HMOX2: variants seen among roughly 807,000 people sequenced by gnomAD.
The protein encoded by HMOX2 is heme oxygenase (decycling) 2.
In HMOX2, 30 loss-of-function variants were observed where a neutral mutation model predicts 33.7. The observed-to-expected ratio is 0.89, with a 90% CI of 0.67 to 1.21. HMOX2 has a LOEUF of 1.21. Among genes scored for constraint, HMOX2 ranks in the 50% most tolerant of loss-of-function variants. The probability of loss-of-function intolerance (pLI) is 0.00; values close to 1 mark genes in which losing one functional copy is unlikely to be tolerated. For missense variants in HMOX2, 403 were observed against 399.1 expected (o/e 1.01, Z -0.08); for synonymous variants, 155 against 155.0 (o/e 1.00, Z 0.00).
Position 4,477,094 on chromosome 16 carries a change from GGTTT to G in HMOX2, c.-42+608_-42+611del, listed in dbSNP as rs571474119. 2.5e-3 allele frequency among the ~76,000 whole-genome samples: 383 copies of G among 152,274 alleles called. 2 individuals are homozygous for G. Among genetic ancestry groups the G allele is most frequent in the African/African-American group, 8.9e-3 (370 of 41,558 alleles). On this transcript the variant is annotated intron_variant, in intron 1 of 5. Transcript: ENST00000570646. The stretch of plus-strand genomic sequence containing the variant: ...GGGGCAGCCGGTTAGTCCGGACGCG[GGTTT>G]ACCTATTACTTTCTGAGCGCAGTGC...
chr16:4,479,726 ATTTTTTTTTTTTTTTT>A (rs58936845), intron 1 of HMOX2, among the ~76,000 whole-genome samples: 10 of 79,848 alleles, frequency 1.3e-4, no homozygotes, highest in African/African-American at 4.1e-4. Flanking sequence ...TTCTTATTCT[ATTTTTTTTTTTTTTTT>A]TTTTTTTTTT....
intron 1 of HMOX2, among the ~76,000 whole-genome samples, chr16:4,491,166 C>G (rs535423800): frequency 6.6e-6 from 1 of 152,224 alleles, no homozygotes; most frequent in South Asian, 2.1e-4. Flanking sequence ...TGTCACAGGA[C>G]AAAGTAAATT....
At chr16:4,503,772 G>T (rs537265861) in intron 1 of HMOX2, among the ~76,000 whole-genome samples, 1 of 152,342 alleles carries the variant, frequency 6.6e-6, no homozygotes, top group South Asian at 2.1e-4. Flanking sequence ...TAGGTATCTA[G>T]AGAAAACTCA....
At chr16:4,491,625 C>G (rs113683085) in intron 1 of HMOX2, among the ~76,000 whole-genome samples, 121 of 152,144 alleles carry the variant, frequency 8.0e-4, no homozygotes, top group African/African-American at 2.7e-3. Context: ...GCGCTCCAGC[C>G]TGGGTGACAA....
In HMOX2 at chr16:4,508,160, A is replaced by G. The variant is rs1238039873; in HGVS notation, c.652A>G (p.Arg218Gly). Reference protein sequence around the residue: ...ALDLNMKTKERIVEEANKAFE... With the variant: ...ALDLNMKTKEGIVEEANKAFE... The stretch of plus-strand genomic sequence containing the variant: ...GGACCTGAACATGAAGACCAAAGAG[A>G]GGATCGTGGAGGAGGCCAACAAGGC... Residue 218 changes from arginine (R) to glycine (G), a missense_variant, in exon 4 of 6, where the codon AGG becomes GGG. Coordinates refer to ENST00000570646, the MANE Select transcript of HMOX2 (RefSeq NM_002134.4). 1 of 1,613,078 alleles carries G rather than the reference A, an allele frequency of 6.2e-7. No homozygotes were observed. The highest frequency in any genetic ancestry group is 2.2e-5 in the East Asian group (1 of 44,874).
intron 1 of HMOX2, among the ~76,000 whole-genome samples, chr16:4,491,713 T>C (rs2058310361): frequency 6.6e-6 from 1 of 151,988 alleles, no homozygotes; most frequent in Non-Finnish European, 1.5e-5. Flanking sequence ...TTTGTTTATT[T>C]TCTTTCTTTT....
chr16:4,478,090 C>T (rs1596432585), intron 1 of HMOX2, among the ~76,000 whole-genome samples: 1 of 152,184 alleles, frequency 6.6e-6, no homozygotes, highest in East Asian at 1.9e-4. Flanking sequence ...GAAACACACT[C>T]ATTGAATGAC....
chr16:4,508,825 T>G (rs1357681843), intron 4 of HMOX2, among the ~76,000 whole-genome samples: 1 of 152,210 alleles, frequency 6.6e-6, no homozygotes, highest in Non-Finnish European at 1.5e-5. Flanking sequence ...TGTGGTAGTT[T>G]CAGTGGCTTG....
chr16:4,493,747 T>A (rs1014000265), intron 1 of HMOX2, among the ~76,000 whole-genome samples: 6 of 152,208 alleles, frequency 3.9e-5, no homozygotes, highest in African/African-American at 1.4e-4. Context: ...CAGCTCCTCG[T>A]GTGTCTTTTG....
At chr16:4,483,960 C>A (rs987576194) in intron 1 of HMOX2, among the ~76,000 whole-genome samples, 1 of 144,920 alleles carries the variant, frequency 6.9e-6, no homozygotes, top group Non-Finnish European at 1.5e-5. Flanking sequence ...CACACCCGTG[C>A]ATATGCCCAA....
intron 1 of HMOX2, among the ~76,000 whole-genome samples, chr16:4,491,833 G>A (rs1419649972): frequency 6.6e-6 from 1 of 151,858 alleles, no homozygotes; most frequent in East Asian, 2.0e-4. Flanking sequence ...ATAGGCGCAT[G>A]CCATCACATC....
At chr16:4,486,472 A>G (rs1046606727) in intron 1 of HMOX2, among the ~76,000 whole-genome samples, 1 of 152,236 alleles carries the variant, frequency 6.6e-6, no homozygotes, top group South Asian at 2.1e-4. Flanking sequence ...GTCTGTCCCT[A>G]ATACAGGGTT....
At chr16:4,491,306 A>G (rs2058299858) in intron 1 of HMOX2, among the ~76,000 whole-genome samples, 1 of 152,182 alleles carries the variant, frequency 6.6e-6, no homozygotes, top group Admixed American at 6.5e-5. Context: ...ATCTCCTTGA[A>G]GGAGTTAAAC....
intron 1 of HMOX2, among the ~76,000 whole-genome samples, chr16:4,486,200 C>G (rs1052143790): frequency 3.9e-5 from 6 of 152,104 alleles, no homozygotes; most frequent in Non-Finnish European, 7.4e-5. Flanking sequence ...AAATTGTGTT[C>G]AAAAAAGGAA....
intron 1 of HMOX2, among the ~76,000 whole-genome samples, chr16:4,481,182 T>A (rs886252601): frequency 2.7e-5 from 4 of 150,760 alleles, no homozygotes; most frequent in African/African-American, 9.7e-5. Context: ...CCGTCTCTAC[T>A]AAAAAATACA....
intron 1 of HMOX2, among the ~76,000 whole-genome samples, chr16:4,503,134 CAA>C (rs75450029): frequency 1.4e-5 from 2 of 141,320 alleles, no homozygotes; most frequent in African/African-American, 2.6e-5. Flanking sequence ...GTACTTTTAC[CAA>C]AAAAAAAAAA....
chr16:4,481,266 G>A (rs2058023042), intron 1 of HMOX2, among the ~76,000 whole-genome samples: 1 of 151,426 alleles, frequency 6.6e-6, no homozygotes, highest in Non-Finnish European at 1.5e-5. Flanking sequence ...GGAGAATGGC[G>A]GGAACCCGGG....
At chr16:4,476,749 G>GTC (rs1030928692) in intron 1 of HMOX2, 1 of 152,270 alleles carries the variant, frequency 6.6e-6, no homozygotes, top group Non-Finnish European at 1.5e-5. Flanking sequence ...TCCAGAAGTC[G>GTC]TCTCCCCGGG....
intron 1 of HMOX2, among the ~76,000 whole-genome samples, chr16:4,487,176 C>T (rs987818350): frequency 2.0e-5 from 3 of 152,192 alleles, no homozygotes; most frequent in East Asian, 1.9e-4. Context: ...GAAGTATCAC[C>T]TGAGCCCAGG....
Sources: allele counts gnomAD v4.1 joint callset (sites outside exome capture counted in the v4.1 genomes callset), GRCh38; gene constraint gnomAD v4.1.1; transcripts MANE v1.5; gene names NCBI Gene and HGNC (gene_info 2026-07-23, HGNC 2026-07-21).